SYT9: variants seen among roughly 807,000 people sequenced by gnomAD.
SYT9 encodes the protein synaptotagmin-9.
A neutral mutation model predicts 48.4 loss-of-function variants in SYT9; 22 were observed. The observed-to-expected ratio is 0.45, with a 90% CI of 0.32 to 0.65. The LOEUF (loss-of-function observed/expected upper bound fraction) is 0.65, where lower values mean the gene tolerates loss of function less well. SYT9 is among the 30% of genes least tolerant of loss of function. The pLI, the probability that SYT9 is intolerant of heterozygous loss-of-function variation, is 0.03. For synonymous variants in SYT9, 265 were observed against 245.0 expected (o/e 1.08, Z -0.76); for missense variants, 577 against 622.0 (o/e 0.93, Z 0.77).
intron 3 of SYT9, among the ~76,000 whole-genome samples, chr11:7,334,964 T>C (rs1469846982): frequency 1.3e-5 from 2 of 152,232 alleles, no homozygotes; most frequent in Admixed American, 1.3e-4. Flanking sequence ...TATGGACATA[T>C]GCTTTTACTT....
chr11:7,242,169 G>A (rs551398606), intron 1 of SYT9, among the ~76,000 whole-genome samples: 115 of 152,368 alleles, frequency 7.5e-4, no homozygotes, highest in African/African-American at 2.6e-3. Context: ...GGGCTCTAAT[G>A]TGCGTTGGTC....
intron 6 of SYT9, among the ~76,000 whole-genome samples, chr11:7,433,523 TTC>T (rs1049453744): frequency 2.6e-5 from 4 of 152,192 alleles, no homozygotes; most frequent in African/African-American, 4.8e-5. Flanking sequence ...TTTATCTGCA[TTC>T]TCTCTCTGCT....
intron 3 of SYT9, among the ~76,000 whole-genome samples, chr11:7,322,656 C>G (rs1422392293): frequency 6.6e-6 from 1 of 152,068 alleles, no homozygotes; most frequent in Admixed American, 6.6e-5. Context: ...GGTGCCAGGA[C>G]AAAGTGTTTG....
chr11:7,246,830 CCTCA>C (rs1847799029), intron 1 of SYT9, among the ~76,000 whole-genome samples: 1 of 152,198 alleles, frequency 6.6e-6, no homozygotes, highest in African/African-American at 2.4e-5. Flanking sequence ...AGGTCCATGG[CCTCA>C]CTCACATGTG....
chr11:7,295,068 G>C (rs1848772733), intron 1 of SYT9, among the ~76,000 whole-genome samples: 1 of 152,138 alleles, frequency 6.6e-6, no homozygotes, highest in Admixed American at 6.5e-5. Flanking sequence ...TAGTCAGTTG[G>C]CCACACTGTT....
chr11:7,292,011 A>C (rs1349250780), intron 1 of SYT9, among the ~76,000 whole-genome samples: 1 of 152,186 alleles, frequency 6.6e-6, no homozygotes, highest in East Asian at 1.9e-4. Flanking sequence ...CTTTCCAATC[A>C]ATCAAAAAAC....
intron 3 of SYT9, among the ~76,000 whole-genome samples, chr11:7,321,360 G>C (rs1478797118): frequency 1.3e-5 from 2 of 152,202 alleles, no homozygotes; most frequent in Admixed American, 1.3e-4. Flanking sequence ...TGGACACCTG[G>C]AACCACCCAG....
chr11:7,365,794 T>A (rs1211452572), intron 3 of SYT9, among the ~76,000 whole-genome samples: 1 of 152,198 alleles, frequency 6.6e-6, no homozygotes, highest in Non-Finnish European at 1.5e-5. Context: ...TGACTTAAAA[T>A]TGTGAAATAT....
intron 1 of SYT9, among the ~76,000 whole-genome samples, chr11:7,275,104 A>G (rs746512735): frequency 2.6e-5 from 4 of 151,968 alleles, no homozygotes; most frequent in Non-Finnish European, 4.4e-5. Context: ...GCCAGCTAGC[A>G]GAGTGTGCAG....
chr11:7,259,230 G>A (rs1322936807), intron 1 of SYT9, among the ~76,000 whole-genome samples: 2 of 152,036 alleles, frequency 1.3e-5, no homozygotes, highest in Non-Finnish European at 2.9e-5. Context: ...CGTAGTAAAT[G>A]CTCAATAAAT....
rs148842869 is a variant in SYT9 at position 7,462,328 on chromosome 11, G to T, written c.1468-4464G>T. Among the ~76,000 whole-genome samples the T allele has an allele frequency of 9.0e-3, 1,373 of 152,272 alleles. 16 individuals are homozygous for T. Among genetic ancestry groups the T allele is most frequent in the Non-Finnish European group, 0.012 (846 of 68,032 alleles). On this transcript the variant is annotated intron_variant, in intron 6 of 6. Coordinates refer to ENST00000318881, the MANE Select transcript of SYT9 (RefSeq NM_175733.4). ...AGGTATGCAAAGCTCTTAGGATAGA[G>T]CTAGTGCTTAAGCACTCAATAAATA...
chr11:7,315,287 T>A (rs1849222068), intron 3 of SYT9, among the ~76,000 whole-genome samples: 2 of 152,180 alleles, frequency 1.3e-5, no homozygotes, highest in Admixed American at 1.3e-4. Context: ...AAAGCAAGGC[T>A]TGTCTCCCAA....
At chr11:7,450,659 C>G (rs914874861) in intron 6 of SYT9, among the ~76,000 whole-genome samples, 1 of 152,200 alleles carries the variant, frequency 6.6e-6, no homozygotes, top group African/African-American at 2.4e-5. Context: ...GGTCCAAATG[C>G]GGACTTACTT....
chr11:7,458,987 A>G (rs1001662115), intron 6 of SYT9, among the ~76,000 whole-genome samples: 9 of 152,382 alleles, frequency 5.9e-5, no homozygotes, highest in African/African-American at 1.4e-4. Context: ...GTCTACTGCT[A>G]TAATCTAGAT....
intron 4 of SYT9, among the ~76,000 whole-genome samples, chr11:7,417,009 TG>T (rs1847263713): frequency 6.6e-6 from 1 of 151,674 alleles, no homozygotes; most frequent in Admixed American, 6.6e-5. Context: ...AAAAAAAAAA[TG>T]CCTCTATATG....
intron 3 of SYT9, among the ~76,000 whole-genome samples, chr11:7,415,065 A>G (rs2134095220): frequency 6.6e-6 from 1 of 152,246 alleles, no homozygotes; most frequent in African/African-American, 2.4e-5. Context: ...ACCTATCTGA[A>G]TGGCTGCACA....
chr11:7,313,295 T>C (rs1849173949), intron 2 of SYT9, 100 bp from the exon 3 acceptor site: 2 of 1,279,898 alleles, frequency 1.6e-6, no homozygotes, highest in Non-Finnish European at 2.1e-6. Context: ...TCTAAGCTCC[T>C]GACAAAATAT....
At chr11:7,390,733 C>T (rs748407710) in intron 3 of SYT9, among the ~76,000 whole-genome samples, 2 of 152,136 alleles carry the variant, frequency 1.3e-5, no homozygotes, top group Non-Finnish European at 2.9e-5. Context: ...GTGGTTGAAA[C>T]CATCAGGGCA....
At chr11:7,303,480 G>A in intron 2 of SYT9, 90 bp downstream of exon 2, 5 of 1,156,002 alleles carry the variant, frequency 4.3e-6, no homozygotes, top group Admixed American at 2.8e-5. Context: ...CAAGGAGCCT[G>A]TAACCTTTTA....
Sources: allele counts gnomAD v4.1 joint callset (sites outside exome capture counted in the v4.1 genomes callset), GRCh38; gene constraint gnomAD v4.1.1; transcripts MANE v1.5; gene names NCBI Gene and HGNC (gene_info 2026-07-23, HGNC 2026-07-21).